MRPS6: variants seen among roughly 807,000 people sequenced by gnomAD.
The protein encoded by MRPS6 is mitochondrial ribosomal protein S6, also known as small ribosomal subunit protein bS6m.
A neutral mutation model predicts 13.1 loss-of-function variants in MRPS6; 6 were observed. The ratio of observed to expected loss-of-function variants is 0.46; its 90% CI spans 0.25 to 0.91. The LOEUF (loss-of-function observed/expected upper bound fraction) is 0.91. MRPS6 is among the 40% of genes least tolerant of loss of function. The pLI, the probability that MRPS6 is intolerant of heterozygous loss-of-function variation, is 0.18. For missense variants in MRPS6, 164 were observed against 155.6 expected (o/e 1.05, Z -0.29); for synonymous variants, 61 against 56.5 (o/e 1.08, Z -0.36).
chr21:34,086,517 T>TTGTGTGTG (rs34988334), intron 1 of MRPS6, among the ~76,000 whole-genome samples: 25 of 148,382 alleles, frequency 1.7e-4, no homozygotes, highest in African/African-American at 5.0e-4. Flanking sequence ...TAGTTTGTGT[T>TTGTGTGTG]TGTGTGTGTG....
chr21:34,098,508 C>T, intron 1 of MRPS6: 1 of 1,000,208 alleles, frequency 1.0e-6, no homozygotes, highest in Non-Finnish European at 1.2e-6. Context: ...ACAGCCTCTA[C>T]ATTTTTGTTG....
intron 1 of MRPS6, chr21:34,099,035 A>G (rs1417092443): frequency 1.0e-6 from 1 of 989,716 alleles, no homozygotes; most frequent in Non-Finnish European, 1.2e-6. Flanking sequence ...TTTCATTATG[A>G]TGGACTTGAT....
chr21:34,122,786 T>TA (rs1602957015), intron 1 of MRPS6: 2 of 152,192 alleles, frequency 1.3e-5, no homozygotes, highest in East Asian at 3.9e-4. Context: ...TACCTTATCA[T>TA]ACGTTAATTG....
chr21:34,092,770 C>T (rs187909717), intron 1 of MRPS6, among the ~76,000 whole-genome samples: 6 of 152,294 alleles, frequency 3.9e-5, no homozygotes, highest in Middle Eastern at 3.4e-3. Flanking sequence ...TATTTCCCCC[C>T]CAACGGCCAG....
intron 1 of MRPS6, among the ~76,000 whole-genome samples, chr21:34,074,127 C>T (rs1461542232): frequency 6.7e-6 from 1 of 148,800 alleles, no homozygotes; most frequent in African/African-American, 2.4e-5. Context: ...TCCGGCCCGT[C>T]CCCGCCAGTC....
At position 34,136,004 on chromosome 21, in the gene MRPS6, G is replaced by A. The variant is rs138698877; in HGVS notation, c.186-6404G>A. The A allele has an allele frequency of 4.2e-3, 1,223 of 291,846 alleles. 10 individuals carry two copies. Among genetic ancestry groups the A allele is most frequent in the Non-Finnish European group, 6.0e-3 (899 of 148,682 alleles). 18.1% of individuals were successfully genotyped at this position (291,846 alleles called of 1,614,324 possible). A position where few individuals can be genotyped will look rare whatever the true frequency, so the allele number is the denominator to read the frequency against. On this transcript the variant is annotated intron_variant, in intron 2 of 2. Coordinates refer to ENST00000399312, the MANE Select transcript of MRPS6 (RefSeq NM_032476.4). The stretch of plus-strand genomic sequence containing the variant: ...GTGCTGCATCATTGATCTGCACAGC[G>A]TCCACTTCCCAAAGAGCTTGGTGTC...
At chr21:34,105,596 T>TGG in intron 1 of MRPS6, 1 of 1,000,000 alleles carries the variant, frequency 1.0e-6, no homozygotes, top group Non-Finnish European at 1.2e-6. Flanking sequence ...GTTAGTACAC[T>TGG]GGGGGTGTAT....
intron 1 of MRPS6, among the ~76,000 whole-genome samples, chr21:34,113,826 T>C (rs548523325): frequency 1.3e-5 from 2 of 152,352 alleles, no homozygotes; most frequent in Non-Finnish European, 2.9e-5. Context: ...CATTTTCTTA[T>C]AAACCTTTTG....
Position 34,098,069 on chromosome 21 carries a change from T to C in MRPS6, c.45+24324T>C, listed in dbSNP as rs1035840185. 14 of 999,160 alleles carry C rather than the reference T, an allele frequency of 1.4e-5. No homozygotes were observed. The African/African-American group carries it at 2.4e-4, about 17-fold the overall frequency. The allele number at this position is 999,160 out of a possible 1,614,324, so 61.9% of individuals were successfully genotyped here. A position where few individuals can be genotyped will look rare whatever the true frequency, so the allele number is the denominator to read the frequency against. ...CAACAAGTCTGCCTGTAAAGTTACA[T>C]GTCATGATTGTGTTGTTAAATGATT... On this transcript the variant is annotated intron_variant, in intron 1 of 2. Transcript: ENST00000399312.
At chr21:34,102,607 CTG>C (rs1979295742) in intron 1 of MRPS6, 1 of 1,000,172 alleles carries the variant, frequency 1.0e-6, no homozygotes, top group Non-Finnish European at 1.2e-6. Context: ...AAACCAATAA[CTG>C]TACTTTATGT....
At chr21:34,105,086 T>A (rs2148662922) in intron 1 of MRPS6, 1 of 1,000,124 alleles carries the variant, frequency 1.0e-6, no homozygotes, top group African/African-American at 1.7e-5. Context: ...ATGCAAAAGC[T>A]TTATTTTTTT....
At chr21:34,123,259 GCA>G (rs1339513387) in intron 1 of MRPS6, 1 of 152,112 alleles carries the variant, frequency 6.6e-6, no homozygotes, top group Non-Finnish European at 1.5e-5. Context: ...TTGCCAGAAT[GCA>G]CACTTAAACT....
chr21:34,112,107 A>G (rs1979723482), intron 1 of MRPS6, among the ~76,000 whole-genome samples: 1 of 152,146 alleles, frequency 6.6e-6, no homozygotes, highest in South Asian at 2.1e-4. Flanking sequence ...TCCTCTTTGC[A>G]GTGAAGATCT....
At chr21:34,111,236 T>G (rs151205445) in intron 1 of MRPS6, among the ~76,000 whole-genome samples, 47 of 152,322 alleles carry the variant, frequency 3.1e-4, no homozygotes, top group African/African-American at 1.1e-3. Context: ...TTGGCATATA[T>G]GGATTCCATG....
chr21:34,098,515 G>C (rs908920567), intron 1 of MRPS6: 11 of 999,458 alleles, frequency 1.1e-5, no homozygotes, highest in Non-Finnish European at 1.3e-5. Context: ...CTACATTTTT[G>C]TTGTAGTGAC....
intron 1 of MRPS6, chr21:34,098,264 T>A: frequency 1.0e-6 from 1 of 1,000,012 alleles, no homozygotes; most frequent in Non-Finnish European, 1.2e-6. Context: ...TTATTCTTGT[T>A]ATTTGGAAAA....
chr21:34,112,812 GT>G (rs1464557802), intron 1 of MRPS6, among the ~76,000 whole-genome samples: 3 of 151,956 alleles, frequency 2.0e-5, no homozygotes, highest in Non-Finnish European at 4.4e-5. Context: ...TACAGTATTT[GT>G]CTTTCTTTGC....
At chr21:34,080,920 A>G (rs993390406) in intron 1 of MRPS6, among the ~76,000 whole-genome samples, 8 of 152,258 alleles carry the variant, frequency 5.3e-5, no homozygotes, top group African/African-American at 1.7e-4. Context: ...GTATGTTACC[A>G]GAAGTTGTGT....
At chr21:34,102,405 TAAA>T in intron 1 of MRPS6, 1 of 1,000,060 alleles carries the variant, frequency 1.0e-6, no homozygotes, top group Non-Finnish European at 1.2e-6. Flanking sequence ...AACTTCTTTA[TAAA>T]AAGAGGGATT....
Sources: gnomAD v4.1 joint callset for allele counts (sites outside exome capture counted in the v4.1 genomes callset) on GRCh38, gnomAD v4.1.1 for gene constraint, MANE v1.5 for transcripts, NCBI Gene and HGNC (gene_info 2026-07-23, HGNC 2026-07-21) for gene names.